SH3PXD2A: variants seen among roughly 807,000 people sequenced by gnomAD.
SH3PXD2A encodes the protein SH3 and PX domain-containing protein 2A.
SH3PXD2A carries 32 observed loss-of-function variants against 115.2 expected under a neutral mutation model. The observed-to-expected ratio is 0.28, with a 90% confidence interval of 0.21 to 0.37. The LOEUF (loss-of-function observed/expected upper bound fraction) is 0.37. Ranked by LOEUF, SH3PXD2A falls within the 10% of genes least tolerant of loss-of-function variation. The pLI, the probability that SH3PXD2A is intolerant of heterozygous loss-of-function variation, is 1.00. For missense variants in SH3PXD2A, 1,328 were observed against 1,498.7 expected, an observed-to-expected ratio of 0.89 and a Z score of 1.88; for synonymous variants, 610 against 629.1, an observed-to-expected ratio of 0.97 and a Z score of 0.45.
intron 5 of SH3PXD2A, among the ~76,000 whole-genome samples, chr10:103,716,270 G>A (rs1272242718): frequency 6.6e-6 from 1 of 152,156 alleles, no homozygotes; most frequent in Non-Finnish European, 1.5e-5. Flanking sequence ...GGGGTTCCCC[G>A]CAGGAGGCAG....
rs1226565813 is a variant in SH3PXD2A at position 103,596,321 on chromosome 10, T to A, written c.*5495A>T. On this transcript the variant is annotated 3_prime_UTR_variant, in exon 15 of 15. Transcript: ENST00000369774. ...CAGTGTTTCTATTCCCAGTGGCATC[T>A]CTTTTGCACATCTTCATTTTGGAGC... 1 of 152,610 alleles carries A rather than the reference T, an allele frequency of 6.6e-6. No individual in the cohort carries two copies. Among genetic ancestry groups the A allele is most frequent in the South Asian group, 2.1e-4 (1 of 4,830 alleles). 9.5% of individuals were successfully genotyped at this position (152,610 alleles called of 1,614,324 possible).
At chr10:103,706,328 TG>T (rs972980246) in intron 5 of SH3PXD2A, among the ~76,000 whole-genome samples, 2 of 152,252 alleles carry the variant, frequency 1.3e-5, no homozygotes, top group African/African-American at 4.8e-5. Context: ...GAGGATGGCC[TG>T]GCCTCACCAG....
At chr10:103,641,796 T>C (rs987953330) in intron 8 of SH3PXD2A, among the ~76,000 whole-genome samples, 2 of 152,102 alleles carry the variant, frequency 1.3e-5, no homozygotes. Context: ...GCCCACATGG[T>C]AGGGCGAGGC....
Position 103,824,054 on chromosome 10 carries a change from A to G in SH3PXD2A, c.73-22692T>C, listed in dbSNP as rs564408838. On this transcript the variant is annotated intron_variant, in intron 1 of 14. Transcript: ENST00000369774. ...CTCCCCAACCCCTGGGAGGAAATGT[A>G]TTGGCTTGCGGGGCTATTTTGAAGC... 5.9e-5 allele frequency among the ~76,000 whole-genome samples: 9 copies of G among 152,260 alleles called. No homozygotes were observed. In the South Asian group the frequency reaches 1.9e-3, roughly 32 times the overall value.
At chr10:103,622,380 G>A (rs1009872601) in intron 10 of SH3PXD2A, 90 bp downstream of exon 10, 28 of 850,242 alleles carry the variant, frequency 3.3e-5, no homozygotes, top group East Asian at 1.9e-4. Context: ...GGAGGCCACA[G>A]GGCAGAGAGC....
At chr10:103,748,534 C>A (rs976635546) in intron 3 of SH3PXD2A, among the ~76,000 whole-genome samples, 6 of 152,312 alleles carry the variant, frequency 3.9e-5, no homozygotes, top group African/African-American at 4.8e-5. Context: ...GGTCCCTGCC[C>A]TCGCAAAGGA....
At chr10:103,629,263 G>A (rs2036743227) in intron 8 of SH3PXD2A, among the ~76,000 whole-genome samples, 1 of 152,344 alleles carries the variant, frequency 6.6e-6, no homozygotes, top group South Asian at 2.1e-4. Flanking sequence ...GCAGCTCGTG[G>A]TGACAGGCAG....
At chr10:103,656,344 A>C (rs2037211434) in intron 8 of SH3PXD2A, among the ~76,000 whole-genome samples, 1 of 152,222 alleles carries the variant, frequency 6.6e-6, no homozygotes, top group South Asian at 2.1e-4. Context: ...GTGAGAAAAC[A>C]ATCAGATTCA....
At chr10:103,725,120 G>A (rs924253433) in intron 4 of SH3PXD2A, among the ~76,000 whole-genome samples, 1 of 152,222 alleles carries the variant, frequency 6.6e-6, no homozygotes, top group Non-Finnish European at 1.5e-5. Flanking sequence ...TTTCAGGAAG[G>A]ACTCTTTAAA....
At chr10:103,845,822 G>A (rs1842842327) in intron 1 of SH3PXD2A, among the ~76,000 whole-genome samples, 1 of 152,130 alleles carries the variant, frequency 6.6e-6, no homozygotes, top group African/African-American at 2.4e-5. Context: ...TTTAGTGAGA[G>A]TACGCCTCAA....
At chr10:103,739,527 C>T (rs1282644521) in intron 3 of SH3PXD2A, among the ~76,000 whole-genome samples, 12 of 152,082 alleles carry the variant, frequency 7.9e-5, no homozygotes, top group Admixed American at 7.9e-4. Context: ...ATCCAAACCA[C>T]ACTCTGAAAG....
intron 5 of SH3PXD2A, among the ~76,000 whole-genome samples, chr10:103,714,181 C>T (rs904010312): frequency 2.6e-5 from 4 of 152,218 alleles, no homozygotes; most frequent in Admixed American, 2.0e-4. Flanking sequence ...CAGGCCTCAG[C>T]GCTCTTCCAG....
At chr10:103,769,096 A>G (rs1044718757) in intron 2 of SH3PXD2A, among the ~76,000 whole-genome samples, 1 of 151,080 alleles carries the variant, frequency 6.6e-6, no homozygotes, top group Non-Finnish European at 1.5e-5. Flanking sequence ...CTTGGGGGGA[A>G]CAAATATCCA....
At position 103,841,946 on chromosome 10, in the gene SH3PXD2A, A is replaced by G. The variant is rs189625682; in HGVS notation, c.72+13249T>C. Among the ~76,000 whole-genome samples the G allele has an allele frequency of 1.6e-3, 248 of 152,236 alleles. 2 individuals carry two copies. The highest frequency in any genetic ancestry group is 5.7e-3 in the African/African-American group (237 of 41,538). ...AAGACCATCCTGGCCAACATGGTGA[A>G]ATCCTGTCTCCACTAAAAATACAAA... On this transcript the variant is annotated intron_variant, in intron 1 of 14. Transcript: ENST00000369774.
intron 11 of SH3PXD2A, among the ~76,000 whole-genome samples, chr10:103,614,768 G>A (rs368346976): frequency 1.7e-4 from 22 of 130,232 alleles, no homozygotes; most frequent in East Asian, 9.9e-4. Context: ...CCCCCGCCCC[G>A]CCCACCGTCT....
intron 5 of SH3PXD2A, among the ~76,000 whole-genome samples, chr10:103,702,602 T>TGTGTGTGTGTGTG (rs2037931714): frequency 1.3e-5 from 2 of 151,394 alleles, no homozygotes; most frequent in South Asian, 4.2e-4. Context: ...TGTGCGTGTG[T>TGTGTGTGTGTGTG]GTGTGTGTGT....
At chr10:103,777,947 C>G (rs1476628618) in intron 2 of SH3PXD2A, among the ~76,000 whole-genome samples, 1 of 152,196 alleles carries the variant, frequency 6.6e-6, no homozygotes, top group African/African-American at 2.4e-5. Flanking sequence ...CAGGAGTCAT[C>G]ATTCCCACAT....
At chr10:103,769,163 TGTGTGTGTGTGTGTGTGTGC>T (rs1333004479) in intron 2 of SH3PXD2A, among the ~76,000 whole-genome samples, 17 of 131,376 alleles carry the variant, frequency 1.3e-4, no homozygotes, top group African/African-American at 4.0e-4. Context: ...TGTGTGTGTG[TGTGTGTGTGTGTGTGTGTGC>T]GCGCGCGCGC....
At chr10:103,816,568 G>A (rs2039325688) in intron 1 of SH3PXD2A, among the ~76,000 whole-genome samples, 1 of 152,170 alleles carries the variant, frequency 6.6e-6, no homozygotes, top group South Asian at 2.1e-4. Flanking sequence ...ATGTAAAATA[G>A]TGCAGCCACC....
Sources: gnomAD v4.1 joint callset for allele counts (sites outside exome capture counted in the v4.1 genomes callset) on GRCh38, gnomAD v4.1.1 for gene constraint, MANE v1.5 for transcripts, NCBI Gene and HGNC (gene_info 2026-07-23, HGNC 2026-07-21) for gene names.